Variants in PNKD observed in about 807,000 individuals in gnomAD.
PNKD encodes probable thioesterase PNKD.
Under a neutral mutation model 45.3 loss-of-function variants are expected in PNKD, and 36 were observed. The observed-to-expected ratio is 0.80, with a 90% CI of 0.61 to 1.05. The LOEUF is 1.05. PNKD is among the 50% of genes least tolerant of loss of function. PNKD has a pLI of 0.00. For missense variants in PNKD, 511 were observed against 506.6 expected, an observed-to-expected ratio of 1.01 and a Z score of -0.08; for synonymous variants, 197 against 210.1, an observed-to-expected ratio of 0.94 and a Z score of 0.54.
rs1574706559 is a variant in PNKD, at chr2:218,328,623, A to G, written c.237-11160A>G. On this transcript the variant is annotated intron_variant, in intron 2 of 9. Coordinates refer to ENST00000273077, the MANE Select transcript of PNKD (RefSeq NM_015488.5). ...AGTATGACTGGGTTTTCACACACAT[A>G]GGTAAGATGCACCTCCCTCAAACCT... 2.6e-5 allele frequency among the ~76,000 whole-genome samples: 4 copies of G among 152,348 alleles called. 1 individual carries two copies. In the South Asian group the frequency reaches 8.3e-4, roughly 32 times the overall value.
At chr2:218,313,262 C>T (rs957412402) in intron 2 of PNKD, among the ~76,000 whole-genome samples, 2 of 152,092 alleles carry the variant, frequency 1.3e-5, no homozygotes, top group Non-Finnish European at 2.9e-5. Context: ...AGGTGTACAC[C>T]ATCATGCCCG....
intron 2 of PNKD, chr2:218,323,376 C>A: frequency 6.3e-7 from 1 of 1,578,556 alleles, no homozygotes. Context: ...CCGAGCGCGG[C>A]GGGGCCTCCG....
intron 2 of PNKD, among the ~76,000 whole-genome samples, chr2:218,300,511 G>A (rs1253216921): frequency 6.6e-6 from 1 of 151,676 alleles, no homozygotes; most frequent in East Asian, 1.9e-4. Context: ...TTCTGCTTCA[G>A]TAGGTTGAGA....
chr2:218,317,883 C>A (rs1030751977), intron 2 of PNKD: 4 of 152,228 alleles, frequency 2.6e-5, no homozygotes, highest in African/African-American at 9.7e-5. Context: ...GCACTGGGTT[C>A]ACTTTTCTAA....
At chr2:218,336,577 T>TCCCACC (rs1694498380) in intron 2 of PNKD, among the ~76,000 whole-genome samples, 1 of 151,856 alleles carries the variant, frequency 6.6e-6, no homozygotes, top group Non-Finnish European at 1.5e-5. Flanking sequence ...ACCTCCTGGG[T>TCCCACC]TCAAGTGATC....
chr2:218,285,419 T>A (rs1475514951), intron 2 of PNKD, among the ~76,000 whole-genome samples: 2 of 152,138 alleles, frequency 1.3e-5, no homozygotes, highest in Non-Finnish European at 2.9e-5. Flanking sequence ...AACCCTCTCA[T>A]GGGTTTTAGC....
At position 218,279,086 on chromosome 2, in the gene PNKD, G is replaced by C. The variant is rs201159214; in HGVS notation, c.236+7537G>C. ...ATTTCTCCTCACAAAGGCGCTGACA[G>C]GTTCCCTGTGGGGCACAGGAGGACA... On this transcript the variant is annotated intron_variant, in intron 2 of 9. Coordinates refer to ENST00000273077, the MANE Select transcript of PNKD (RefSeq NM_015488.5). 59 of 1,614,046 alleles carry C rather than the reference G, an allele frequency of 3.7e-5. No homozygotes were observed. In the Admixed American group the frequency reaches 3.8e-4, roughly 10 times the overall value.
At chr2:218,277,072 A>C (rs984558617) in intron 2 of PNKD, 1 of 1,614,210 alleles carries the variant, frequency 6.2e-7, no homozygotes, top group Non-Finnish European at 8.5e-7. Context: ...AGGACACAGA[A>C]GAGGCCTGTG....
At position 218,333,848 on chromosome 2, in the gene PNKD, C is replaced by T. The variant is rs149131175; in HGVS notation, c.237-5935C>T. Among the ~76,000 whole-genome samples, 372 of 151,028 alleles carry T rather than the reference C, an allele frequency of 2.5e-3. 2 individuals are homozygous for T. Among genetic ancestry groups the T allele is most frequent in the African/African-American group, 6.6e-3 (274 of 41,312 alleles). Reference sequence around the variant, plus strand: ...TTTCATTTTGGGCCAGGCGCCGTGGCTCACACCTATAATCCCAACACTTTG... The same window carrying T: ...TTTCATTTTGGGCCAGGCGCCGTGGTTCACACCTATAATCCCAACACTTTG... On this transcript the variant is annotated intron_variant, in intron 2 of 9. Transcript: ENST00000273077.
chr2:218,341,671 T>G, intron 6 of PNKD, 45 bp downstream of exon 6: 1 of 1,336,426 alleles, frequency 7.5e-7, no homozygotes, highest in Non-Finnish European at 1.1e-6. Flanking sequence ...CATGGGCCCT[T>G]TCCCCCACCC....
chr2:218,277,446 G>A, intron 2 of PNKD: 1 of 1,614,122 alleles, frequency 6.2e-7, no homozygotes, highest in Middle Eastern at 1.6e-4. Context: ...GCTTTGGTTT[G>A]GTACATACTG....
Position 218,346,037 on chromosome 2 carries a change from GGCAGGAGGGGGCTCTGACGT to G in PNKD, c.*1062_*1081del, listed in dbSNP as rs1302280596. The G allele has an allele frequency of 6.6e-6, 1 of 152,362 alleles. No homozygotes were observed. Among genetic ancestry groups the G allele is most frequent in the African/African-American group, 2.4e-5 (1 of 41,448 alleles). The allele number at this position is 152,362 out of a possible 1,614,324, so 9.4% of individuals were successfully genotyped here. A position where few individuals can be genotyped will look rare whatever the true frequency, so the allele number is the denominator to read the frequency against. On this transcript the variant is annotated 3_prime_UTR_variant, in exon 10 of 10. Transcript: ENST00000273077. The stretch of plus-strand genomic sequence containing the variant: ...ACTGGATCCAGGCCCCCATCCGGCT[GGCAGGAGGGGGCTCTGACGT>G]GCAGGTTGGAAATCAGAAGTCTGTG...
rs2106278604 is a variant in PNKD, at chr2:218,326,090, C to T, written c.237-13693C>T. Among the ~76,000 whole-genome samples the T allele has an allele frequency of 7.0e-6, 1 of 142,358 alleles. No homozygotes were observed. Among genetic ancestry groups the T allele is most frequent in the South Asian group, 2.2e-4 (1 of 4,546 alleles). The allele number at this position is 142,358 out of a possible 152,430, so 93.4% of individuals were successfully genotyped here. A position where few individuals can be genotyped will look rare whatever the true frequency, so the allele number is the denominator to read the frequency against. On this transcript the variant is annotated intron_variant, in intron 2 of 9. Transcript: ENST00000273077. This position sits in a 1 kb window ranked among gnomAD's most constrained non-coding sequence, Gnocchi z 4.1. ...GGAGGGGGAACGGAATGGGACAGGA[C>T]ATGATGGGGAGGGGGAGGGCACATG... is the stretch of plus-strand genomic sequence containing the variant.
In PNKD at chr2:218,284,994, G is replaced by A. The variant is rs531352826; in HGVS notation, c.236+13445G>A. The stretch of plus-strand genomic sequence containing the variant: ...AATCCCAGTTACTCGGGAGGCTGAG[G>A]CAGGAGAATCGATTCAACCTGGGAG... On this transcript the variant is annotated intron_variant, in intron 2 of 9. Transcript: ENST00000273077. Among the ~76,000 whole-genome samples, 4 of 152,312 alleles carry A rather than the reference G, an allele frequency of 2.6e-5. No homozygotes were observed. The East Asian group carries it at 7.7e-4, about 29-fold the overall frequency.
chr2:218,338,294 C>G (rs1694560341), intron 2 of PNKD, among the ~76,000 whole-genome samples: 1 of 151,416 alleles, frequency 6.6e-6, no homozygotes. Flanking sequence ...AACCCTGTCT[C>G]TACTAAAAAT....
intron 2 of PNKD, among the ~76,000 whole-genome samples, chr2:218,328,873 A>G (rs1205837831): frequency 6.6e-6 from 1 of 150,502 alleles, no homozygotes; most frequent in Non-Finnish European, 1.5e-5. Flanking sequence ...TACTGGAGTT[A>G]GGTGTTCACG....
intron 2 of PNKD, chr2:218,323,335 T>C (rs1361748908): frequency 2.5e-6 from 4 of 1,578,518 alleles, no homozygotes; most frequent in Non-Finnish European, 3.4e-6. Context: ...CTCGTCCTTG[T>C]CCTCGTCCTA....
chr2:218,320,813 G>A (rs1693967545), intron 2 of PNKD, among the ~76,000 whole-genome samples: 1 of 152,184 alleles, frequency 6.6e-6, no homozygotes, highest in Non-Finnish European at 1.5e-5. Flanking sequence ...GTATTCTAGG[G>A]TATAAAGTAC....
chr2:218,272,646 A>C, intron 2 of PNKD: 1 of 1,614,186 alleles, frequency 6.2e-7, no homozygotes. Context: ...TGTGAAGCAG[A>C]TGAAGGCTCG....
Sources: allele counts gnomAD v4.1 joint callset (sites outside exome capture counted in the v4.1 genomes callset), GRCh38; gene constraint gnomAD v4.1.1; non-coding constraint Gnocchi (gnomAD v3.1); transcripts MANE v1.5; gene names NCBI Gene and HGNC (gene_info 2026-07-23, HGNC 2026-07-21).